Variants in SLC17A4 observed in about 807,000 individuals in gnomAD.
The protein encoded by SLC17A4 is solute carrier family 17 member 4.
In SLC17A4, 33 loss-of-function variants were observed where a neutral mutation model predicts 52.5. That is an observed-to-expected ratio of 0.63 (90% CI 0.48 to 0.84). The LOEUF is 0.84. Among genes scored for constraint, SLC17A4 ranks in the 40% least tolerant of loss-of-function variants. The pLI, the probability that SLC17A4 is intolerant of heterozygous loss-of-function variation, is 0.00. For missense variants in SLC17A4, 585 were observed against 597.1 expected (o/e 0.98, Z 0.21); for synonymous variants, 225 against 216.2 (o/e 1.04, Z -0.36).
intron 1 of SLC17A4, among the ~76,000 whole-genome samples, chr6:25,756,080 T>C (rs1760988993): frequency 6.6e-6 from 1 of 152,162 alleles, no homozygotes; most frequent in African/African-American, 2.4e-5. Context: ...TGGTTCTCAA[T>C]CTTGTCCTTT....
At chr6:25,765,626 A>G (rs1214299375) in intron 2 of SLC17A4, among the ~76,000 whole-genome samples, 2 of 152,250 alleles carry the variant, frequency 1.3e-5, no homozygotes, top group South Asian at 2.1e-4. Flanking sequence ...GTCCCAATAT[A>G]GATGAGAAAG....
In SLC17A4 at chr6:25,770,047, T is replaced by G. The variant is rs780626791; in HGVS notation, c.298-20T>G. 1 of 1,599,084 alleles carries G rather than the reference T, an allele frequency of 6.3e-7. No homozygotes were observed. The highest frequency in any genetic ancestry group is 1.1e-5 in the South Asian group (1 of 90,708). On this transcript the variant is annotated intron_variant, in intron 3 of 11. Coordinates refer to ENST00000377905, the MANE Select transcript of SLC17A4 (RefSeq NM_005495.3). ...CAATCCTTCAACTAAAGACAAACAG[T>G]AACTCTCTTTGTCATCTAGGCCCCT...
intron 1 of SLC17A4, among the ~76,000 whole-genome samples, chr6:25,758,689 T>G (rs1342748318): frequency 6.6e-6 from 1 of 152,216 alleles, no homozygotes; most frequent in Admixed American, 6.5e-5. Context: ...CTTTTTTCCT[T>G]GGTTAGTGTC....
intron 2 of SLC17A4, among the ~76,000 whole-genome samples, chr6:25,766,855 A>G (rs1762067623): frequency 6.6e-6 from 1 of 152,246 alleles, no homozygotes; most frequent in African/African-American, 2.4e-5. Context: ...GTCATACCAA[A>G]GAAGAGCCCA....
intron 6 of SLC17A4, among the ~76,000 whole-genome samples, chr6:25,772,929 T>A (rs1398543866): frequency 6.6e-6 from 1 of 152,204 alleles, no homozygotes; most frequent in Non-Finnish European, 1.5e-5. Context: ...GACAGCTGGG[T>A]GGCTCCACTC....
At position 25,758,053 on chromosome 6, in the gene SLC17A4, T is replaced by G. The variant is rs910691656; in HGVS notation, c.-37+3272T>G. On this transcript the variant is annotated intron_variant, in intron 1 of 11. Transcript: ENST00000377905. ...TTCACCTCTGCTGCCGTGGGACGTA[T>G]CACAGCCTCCAGTGTGGTGTAGACC... Among the ~76,000 whole-genome samples the G allele has an allele frequency of 2.6e-5, 4 of 152,236 alleles. No individual in the cohort carries two copies. The East Asian group carries it at 7.7e-4, about 29-fold the overall frequency.
intron 6 of SLC17A4, among the ~76,000 whole-genome samples, chr6:25,772,344 T>G (rs1342399339): frequency 6.6e-6 from 1 of 152,192 alleles, no homozygotes; most frequent in Non-Finnish European, 1.5e-5. Flanking sequence ...CCTCCGCACT[T>G]GATTATGTTC....
chr6:25,775,898 T>C (rs1000981729), intron 8 of SLC17A4, among the ~76,000 whole-genome samples: 1 of 152,176 alleles, frequency 6.6e-6, no homozygotes, highest in African/African-American at 2.4e-5. Flanking sequence ...AATCTTCATA[T>C]CAGTACATGA....
chr6:25,774,306 G>A (rs1435358081), intron 8 of SLC17A4, among the ~76,000 whole-genome samples: 1 of 152,182 alleles, frequency 6.6e-6, no homozygotes, highest in African/African-American at 2.4e-5. Context: ...CCTGCTGGAT[G>A]GATGTCTTAA....
At chr6:25,759,116 CTT>C (rs1195660071) in intron 1 of SLC17A4, among the ~76,000 whole-genome samples, 1 of 152,106 alleles carries the variant, frequency 6.6e-6, no homozygotes, top group African/African-American at 2.4e-5. Context: ...TTGAGAGTTC[CTT>C]TTGGAGTTGA....
rs757558408 is a variant in SLC17A4, at chr6:25,773,594, T to C, written c.907T>C (p.Cys303Arg). 17 of 1,613,916 alleles carry C rather than the reference T, an allele frequency of 1.1e-5. No individual in the cohort carries two copies. In the African/African-American group the frequency reaches 2.0e-4, roughly 19 times the overall value. The change falls in exon 8 of 12, where the codon TGT (cysteine) becomes CGT (arginine). Residue 303 changes from cysteine (C) to arginine (R), a missense_variant. Physicochemically the swap from Cys to Arg is radical, Grantham distance 180. Transcript: ENST00000377905. ...PLWAILVSYF[C>R]EYWLFYTIMA... is the part of the protein sequence containing the mutation. ...CTGGGCCATTTTAGTCTCTTATTTC[T>C]GTGAATACTGGCTTTTTTATACCAT...
At chr6:25,756,562 A>T (rs765323442) in intron 1 of SLC17A4, among the ~76,000 whole-genome samples, 2 of 151,984 alleles carry the variant, frequency 1.3e-5, no homozygotes, top group Non-Finnish European at 2.9e-5. Context: ...TGCCTGCATC[A>T]CGCTGTCCCC....
At chr6:25,769,721 A>G (rs1582696845) in intron 3 of SLC17A4, among the ~76,000 whole-genome samples, 1 of 152,110 alleles carries the variant, frequency 6.6e-6, no homozygotes. Context: ...TTCCCCTACA[A>G]TGATGAAAAT....
chr6:25,768,686 C>T (rs1892248), intron 2 of SLC17A4, among the ~76,000 whole-genome samples: 45,320 of 151,994 alleles, frequency 0.3, 7,733 homozygotes, highest in East Asian at 0.74. Flanking sequence ...TCTAAATCCA[C>T]TTCTTCCCAT....
chr6:25,777,200 G>A (rs1023093108), intron 10 of SLC17A4: 4 of 467,580 alleles, frequency 8.6e-6, no homozygotes, highest in South Asian at 3.8e-5. Context: ...AGTCAACTGA[G>A]GGAGACTCAC....
intron 6 of SLC17A4, 47 bp from the exon 7 acceptor site, chr6:25,773,228 A>G: frequency 2.1e-6 from 3 of 1,426,948 alleles, no homozygotes; most frequent in Non-Finnish European, 3.0e-6. Context: ...TCAAACTGAA[A>G]GAAGTACTTC....
At chr6:25,778,949 G>A (rs1406907912) in intron 11 of SLC17A4, 105 bp from the exon 12 acceptor site, 19 of 1,452,126 alleles carry the variant, frequency 1.3e-5, no homozygotes, top group African/African-American at 4.2e-5. Flanking sequence ...GGAAGCCAGA[G>A]TGGAGGTCGG....
At chr6:25,757,193 C>T (rs371455865) in intron 1 of SLC17A4, among the ~76,000 whole-genome samples, 38 of 152,314 alleles carry the variant, frequency 2.5e-4, no homozygotes, top group Middle Eastern at 3.4e-3. Flanking sequence ...TGCTTACTTA[C>T]CAGCTTTAGT....
At chr6:25,773,187 C>A in intron 6 of SLC17A4, 88 bp from the exon 7 acceptor site, 2 of 1,008,628 alleles carry the variant, frequency 2.0e-6, no homozygotes, top group Non-Finnish European at 3.1e-6. Context: ...TGAGGCCAGT[C>A]ACTCTGTCAA....
Sources: allele counts gnomAD v4.1 joint callset (sites outside exome capture counted in the v4.1 genomes callset), GRCh38; gene constraint gnomAD v4.1.1; transcripts MANE v1.5; gene names NCBI Gene and HGNC (gene_info 2026-07-23, HGNC 2026-07-21).